The following PAWR variants were observed in gnomAD, a reference collection of about 807,000 sequenced individuals.
PAWR encodes the protein PRKC apoptosis WT1 regulator protein.
In PAWR, 23 loss-of-function variants were observed where a neutral mutation model predicts 32.0. The ratio of observed to expected loss-of-function variants is 0.72; its 90% confidence interval spans 0.52 to 1.02. The LOEUF is 1.02. Ranked by LOEUF, PAWR falls within the 50% of genes least tolerant of loss-of-function variation. The pLI is 0.00. For synonymous variants in PAWR, 226 were observed against 187.1 expected (o/e 1.21, Z -1.70); for missense variants, 457 against 437.7 (o/e 1.04, Z -0.39).
At chr12:79,608,571 G>A (rs974988418) in intron 4 of PAWR, among the ~76,000 whole-genome samples, 2 of 152,170 alleles carry the variant, frequency 1.3e-5, no homozygotes, top group Non-Finnish European at 2.9e-5. Context: ...GAGGGGTGGG[G>A]ACCCCTGGCT....
At chr12:79,634,703 C>T (rs1942312885) in intron 2 of PAWR, among the ~76,000 whole-genome samples, 2 of 151,780 alleles carry the variant, frequency 1.3e-5, no homozygotes, top group African/African-American at 4.8e-5. Context: ...CTTTTCCAAA[C>T]TTTTGTTTCA....
At chr12:79,657,566 C>T (rs1025465413) in intron 2 of PAWR, among the ~76,000 whole-genome samples, 2 of 152,066 alleles carry the variant, frequency 1.3e-5, no homozygotes, top group Middle Eastern at 3.4e-3. Flanking sequence ...CTGAGGCGGG[C>T]GGATCACAAG....
rs755902400 is a variant in PAWR at position 79,621,178 on chromosome 12, T to C, written c.546A>G (p.Ala182=). The C allele has an allele frequency of 1.9e-6, 3 of 1,611,590 alleles. No homozygotes were observed. Among genetic ancestry groups the C allele is most frequent in the Non-Finnish European group, 2.5e-6 (3 of 1,179,380 alleles). ...ECLDEYEDDE[A]GQKERKREDA... ...CTTCTCGTTTCCGCTCTTTCTGCCC[T>C]GCTTCATCATCTTCGTACTCATCTA... Residue 182 remains alanine (A), a synonymous_variant, in exon 3 of 7, where the codon GCA becomes GCG. Coordinates refer to ENST00000328827, the MANE Select transcript of PAWR (RefSeq NM_002583.4).
rs1873433480 is a variant in PAWR at position 79,587,918 on chromosome 12, A to G, written c.*4689T>C. ...ATGGGAATGATCAAAGCTGTCTAAC[A>G]CAATACTAATGTGTTCAATAAATTA... is the stretch of plus-strand genomic sequence containing the variant. On this transcript the variant is annotated 3_prime_UTR_variant, in exon 7 of 7. Coordinates refer to ENST00000328827, the MANE Select transcript of PAWR (RefSeq NM_002583.4). 2 of 151,654 alleles carry G rather than the reference A, an allele frequency of 1.3e-5. No individual in the cohort carries two copies. Among genetic ancestry groups the G allele is most frequent in the Non-Finnish European group, 3.0e-5 (2 of 67,720 alleles). 9.4% of individuals were successfully genotyped at this position (151,654 alleles called of 1,614,324 possible).
At chr12:79,602,497 T>C (rs1001154003) in intron 4 of PAWR, among the ~76,000 whole-genome samples, 1 of 151,986 alleles carries the variant, frequency 6.6e-6, no homozygotes. Flanking sequence ...GTGTCCTAGA[T>C]TGGTGTGATG....
intron 4 of PAWR, chr12:79,603,667 ATTTTTTTTTTTTT>A (rs899732732): frequency 4.1e-5 from 4 of 97,896 alleles, no homozygotes; most frequent in African/African-American, 1.6e-4. Context: ...TCATTATGCT[ATTTTTTTTTTTTT>A]TTTTTTTTTT....
chr12:79,609,057 G>A (rs1439406828), intron 4 of PAWR, among the ~76,000 whole-genome samples: 1 of 151,940 alleles, frequency 6.6e-6, no homozygotes, highest in Non-Finnish European at 1.5e-5. Flanking sequence ...TGACAGGAGT[G>A]AGACTCCACC....
intron 2 of PAWR, among the ~76,000 whole-genome samples, chr12:79,678,221 G>A (rs982505540): frequency 2.6e-5 from 4 of 152,184 alleles, no homozygotes; most frequent in African/African-American, 9.7e-5. Flanking sequence ...AGACAAAACT[G>A]TTTTCTTTCC....
At chr12:79,668,624 A>T (rs772124006) in intron 2 of PAWR, among the ~76,000 whole-genome samples, 2 of 152,156 alleles carry the variant, frequency 1.3e-5, no homozygotes, top group Non-Finnish European at 2.9e-5. Flanking sequence ...TACATCCCTC[A>T]CATGCGCAGT....
chr12:79,615,551 A>G (rs1413737400), intron 3 of PAWR, among the ~76,000 whole-genome samples: 2 of 152,196 alleles, frequency 1.3e-5, no homozygotes, highest in Non-Finnish European at 2.9e-5. Flanking sequence ...TTCTTACAGC[A>G]AGGACAACAA....
At position 79,589,295 on chromosome 12, in the gene PAWR, T is replaced by G. The variant is rs1873478107; in HGVS notation, c.*3312A>C. 1 of 152,054 alleles carries G rather than the reference T, an allele frequency of 6.6e-6. No individual in the cohort carries two copies. The highest frequency in any genetic ancestry group is 2.4e-5 in the African/African-American group (1 of 41,450). The allele number at this position is 152,054 out of a possible 1,614,324, so 9.4% of individuals were successfully genotyped here. On this transcript the variant is annotated 3_prime_UTR_variant, in exon 7 of 7. Transcript: ENST00000328827. ...TTACAGTGTTGAATATATGAATGCT[T>G]CTCTATTACACTGACTTGTACTATT... is the stretch of plus-strand genomic sequence containing the variant.
chr12:79,675,157 G>A (rs557048952), intron 2 of PAWR, among the ~76,000 whole-genome samples: 58 of 152,186 alleles, frequency 3.8e-4, no homozygotes, highest in Admixed American at 1.4e-3. Flanking sequence ...CGGGTGGATC[G>A]CTTGGGCTCA....
chr12:79,632,328 TATATATATATATATATATATATA>T (rs1875705352), intron 2 of PAWR, among the ~76,000 whole-genome samples: 1 of 34,266 alleles, frequency 2.9e-5, no homozygotes, highest in African/African-American at 3.9e-4. Context: ...TATATATATA[TATATATATATATATATATATATA>T]TATATATATA....
At chr12:79,686,512 C>G (rs1878686401) in intron 2 of PAWR, among the ~76,000 whole-genome samples, 2 of 152,074 alleles carry the variant, frequency 1.3e-5, no homozygotes, top group African/African-American at 4.8e-5. Context: ...GGGATCCATC[C>G]CAGACCCATT....
At chr12:79,624,802 G>T (rs190492924) in intron 2 of PAWR, among the ~76,000 whole-genome samples, 13 of 152,250 alleles carry the variant, frequency 8.5e-5, no homozygotes, top group African/African-American at 2.6e-4. Context: ...TTATTAAATA[G>T]ATGTACCTAC....
In PAWR at chr12:79,586,203, T is replaced by C. The variant is rs1438995343; in HGVS notation, c.*6404A>G. The C allele has an allele frequency of 2.6e-5, 4 of 152,438 alleles. No individual in the cohort carries two copies. Among genetic ancestry groups the C allele is most frequent in the Non-Finnish European group, 5.9e-5 (4 of 68,028 alleles). 9.4% of individuals were successfully genotyped at this position (152,438 alleles called of 1,614,324 possible). ...CAGCTTTTCTCAATACTTTCAGCCATCCATACATAAAATGTTTAATGTGTT... is the reference window on the plus strand; with the variant it reads ...CAGCTTTTCTCAATACTTTCAGCCACCCATACATAAAATGTTTAATGTGTT... On this transcript the variant is annotated 3_prime_UTR_variant, in exon 7 of 7. Transcript: ENST00000328827.
chr12:79,596,129 G>C (rs1461609072), intron 5 of PAWR, among the ~76,000 whole-genome samples: 1 of 152,108 alleles, frequency 6.6e-6, no homozygotes, highest in Non-Finnish European at 1.5e-5. Flanking sequence ...GCACAAACCT[G>C]AGACCCTATG....
chr12:79,604,476 C>G, intron 4 of PAWR: 1 of 1,072,756 alleles, frequency 9.3e-7, no homozygotes, highest in East Asian at 8.8e-5. Flanking sequence ...GAGGAATTTT[C>G]CACTAAAATA....
chr12:79,620,137 T>C (rs1052592642), intron 3 of PAWR, among the ~76,000 whole-genome samples: 4 of 152,346 alleles, frequency 2.6e-5, no homozygotes, highest in South Asian at 2.1e-4. Flanking sequence ...ACTTAAAATA[T>C]CTATGTTGCC....
Sources: allele counts gnomAD v4.1 joint callset (sites outside exome capture counted in the v4.1 genomes callset), GRCh38; gene constraint gnomAD v4.1.1; transcripts MANE v1.5; gene names NCBI Gene and HGNC (gene_info 2026-07-23, HGNC 2026-07-21).